The following CDH18 variants were observed in gnomAD, a reference collection of about 807,000 sequenced individuals.
The protein encoded by CDH18 is cadherin 18.
Under a neutral mutation model 67.9 loss-of-function variants are expected in CDH18, and 31 were observed. That is an observed-to-expected ratio of 0.46 (90% CI 0.34 to 0.62). The LOEUF (loss-of-function observed/expected upper bound fraction) is 0.62. CDH18 is among the 20% of genes least tolerant of loss of function. The probability of loss-of-function intolerance (pLI) is 0.01; values close to 1 mark genes in which losing one functional copy is unlikely to be tolerated. For missense variants in CDH18, 890 were observed against 975.5 expected (o/e 0.91, Z 1.17); for synonymous variants, 362 against 347.2 (o/e 1.04, Z -0.48).
In CDH18 at chr5:19,473,561, A is replaced by C. The variant is rs1297724919; in HGVS notation, c.2038T>G (p.Ser680Ala). The C allele has an allele frequency of 5.0e-6, 8 of 1,613,718 alleles. No individual in the cohort carries two copies. The Admixed American group carries it at 1.0e-4, about 20-fold the overall frequency. The change falls in exon 13 of 13, where the codon TCT becomes GCT. Residue 680 changes from serine (S) to alanine (A), a missense_variant. Around this residue, in one of 2 missense-constraint regions of CDH18, gnomAD observed 656 missense variants for 668.1 expected, o/e 0.98. Transcript: ENST00000382275. ...CGGTACTTGAGCTCCTCAGCAGCAGAAGGATTCCTCAAGGCTGTGATGTCA... is the reference window on the plus strand; with the variant it reads ...CGGTACTTGAGCTCCTCAGCAGCAGCAGGATTCCTCAAGGCTGTGATGTCA... Reference protein sequence around the residue: ...AFDITALRNPSAAEELKYRRD... With the variant: ...AFDITALRNPAAAEELKYRRD...
intron 2 of CDH18, among the ~76,000 whole-genome samples, chr5:19,873,957 C>A (rs1456483110): frequency 6.6e-6 from 1 of 152,038 alleles, no homozygotes; most frequent in Non-Finnish European, 1.5e-5. Flanking sequence ...CAAAAAAAAT[C>A]ATTTTTGATA....
chr5:19,859,061 C>T (rs1156275197), intron 2 of CDH18, among the ~76,000 whole-genome samples: 1 of 151,614 alleles, frequency 6.6e-6, no homozygotes, highest in Non-Finnish European at 1.5e-5. Flanking sequence ...AAGTATATAC[C>T]CAAAAAAACC....
At chr5:20,347,518 A>G (rs1391536437) in intron 1 of CDH18, among the ~76,000 whole-genome samples, 2 of 152,232 alleles carry the variant, frequency 1.3e-5, no homozygotes, top group Non-Finnish European at 2.9e-5. Flanking sequence ...TCACATGAAC[A>G]ACCATGGACA....
At chr5:19,515,531 G>A (rs1186711978) in intron 10 of CDH18, among the ~76,000 whole-genome samples, 1 of 152,018 alleles carries the variant, frequency 6.6e-6, no homozygotes, top group Non-Finnish European at 1.5e-5. Flanking sequence ...TTAAGCAGTG[G>A]TTGGTTTGCA....
chr5:20,420,071 C>G (rs183779793), intron 1 of CDH18, among the ~76,000 whole-genome samples: 1 of 151,056 alleles, frequency 6.6e-6, no homozygotes, highest in Non-Finnish European at 1.5e-5. Context: ...ACATTCACCA[C>G]CACAGCAGAT....
At chr5:20,504,043 A>G (rs1308224672) in intron 1 of CDH18, among the ~76,000 whole-genome samples, 1 of 152,018 alleles carries the variant, frequency 6.6e-6, no homozygotes, top group Non-Finnish European at 1.5e-5. Context: ...GTCAAGAAAA[A>G]AAAAAAAAGA....
At chr5:20,262,594 G>A (rs1023582242) in intron 1 of CDH18, among the ~76,000 whole-genome samples, 2 of 152,008 alleles carry the variant, frequency 1.3e-5, no homozygotes, top group African/African-American at 4.8e-5. Context: ...AGGGGTGTTC[G>A]AGGCTGAAAC....
At position 20,138,909 on chromosome 5, in the gene CDH18, A is replaced by G. The variant is rs181784476; in HGVS notation, c.-518+116535T>C. Among the ~76,000 whole-genome samples, 210 of 152,294 alleles carry G rather than the reference A, an allele frequency of 1.4e-3. 4 individuals carry two copies. In the East Asian group the frequency reaches 0.028, roughly 21 times the overall value. On this transcript the variant is annotated intron_variant, in intron 2 of 14. Coordinates refer to the CDH18 transcript ENST00000507958. ...ACTGCCTAAGGTAATTTATAGATTC[A>G]ATGCCATCCTCATCAAGCTACCAAT...
intron 1 of CDH18, among the ~76,000 whole-genome samples, chr5:20,260,337 G>T (rs1043948200): frequency 3.3e-5 from 5 of 151,958 alleles, no homozygotes; most frequent in South Asian, 4.2e-4. Context: ...GAGTTGGGGG[G>T]CAATAACTTG....
rs557384865 is a variant in CDH18 at position 20,402,669 on chromosome 5, T to C, written c.-579-147164A>G. Among the ~76,000 whole-genome samples, 117 of 152,294 alleles carry C rather than the reference T, an allele frequency of 7.7e-4. 4 individuals are homozygous for C. The Middle Eastern group carries it at 0.014, about 18-fold the overall frequency. On this transcript the variant is annotated intron_variant, in intron 1 of 14. Coordinates refer to the CDH18 transcript ENST00000507958. Reference sequence around the variant, plus strand: ...AATATTGCTGAAAATTATGATTATATGAACCTTCAGCAAGTAACAATCTTT... The same window carrying C: ...AATATTGCTGAAAATTATGATTATACGAACCTTCAGCAAGTAACAATCTTT...
At chr5:19,874,013 T>C (rs1055310744) in intron 2 of CDH18, among the ~76,000 whole-genome samples, 7 of 152,200 alleles carry the variant, frequency 4.6e-5, no homozygotes, top group South Asian at 2.1e-4. Flanking sequence ...AAAGAACATG[T>C]TGCAACACAT....
intron 2 of CDH18, among the ~76,000 whole-genome samples, chr5:19,976,694 G>A (rs1055828594): frequency 7.2e-5 from 11 of 152,000 alleles, no homozygotes; most frequent in African/African-American, 2.7e-4. Context: ...AAATAATATT[G>A]TTAGAAATAT....
intron 7 of CDH18, among the ~76,000 whole-genome samples, chr5:19,585,628 ATGTCT>A (rs1744024861): frequency 6.6e-6 from 1 of 152,040 alleles, no homozygotes; most frequent in Non-Finnish European, 1.5e-5. Context: ...AGTATCCTTG[ATGTCT>A]TGTCTGTATT....
chr5:20,002,737 T>C (rs1026863437), intron 2 of CDH18, among the ~76,000 whole-genome samples: 9 of 152,170 alleles, frequency 5.9e-5, no homozygotes, highest in Non-Finnish European at 1.0e-4. Flanking sequence ...TCTTGTGCTA[T>C]TGAGATTACC....
chr5:20,525,273 A>G (rs1755979421), intron 1 of CDH18, among the ~76,000 whole-genome samples: 1 of 152,104 alleles, frequency 6.6e-6, no homozygotes. Flanking sequence ...TGCTAACTGA[A>G]TTACAAAGTC....
chr5:19,634,623 A>G (rs536395307), intron 5 of CDH18, among the ~76,000 whole-genome samples: 2 of 152,256 alleles, frequency 1.3e-5, no homozygotes, highest in Admixed American at 1.3e-4. Flanking sequence ...CAGCTTAGCA[A>G]GAAATATTCT....
chr5:19,770,191 G>A (rs750532116), intron 3 of CDH18, among the ~76,000 whole-genome samples: 5 of 151,942 alleles, frequency 3.3e-5, no homozygotes, highest in Non-Finnish European at 7.4e-5. Context: ...TATTTTCCCT[G>A]AAATTCACTC....
chr5:20,288,464 T>C (rs1746856219), intron 1 of CDH18, among the ~76,000 whole-genome samples: 2 of 150,860 alleles, frequency 1.3e-5, no homozygotes, highest in Admixed American at 6.6e-5. Flanking sequence ...TATATATATA[T>C]GCATTGAGCC....
Position 19,522,294 on chromosome 5 carries a change from C to A in CDH18, c.1391-1516G>T, listed in dbSNP as rs182374197. ...TGACAAGAAAAATTGCATCATACATCATTCTTAATGGTGAAAAATCTAAGA... is the reference window on the plus strand; with the variant it reads ...TGACAAGAAAAATTGCATCATACATAATTCTTAATGGTGAAAAATCTAAGA... On this transcript the variant is annotated intron_variant, in intron 9 of 12. Coordinates refer to ENST00000382275, the MANE Select transcript of CDH18 (RefSeq NM_004934.5). Among the ~76,000 whole-genome samples, 8 of 152,142 alleles carry A rather than the reference C, an allele frequency of 5.3e-5. No homozygotes were observed. The East Asian group carries it at 1.5e-3, about 29-fold the overall frequency.
Sources: allele counts gnomAD v4.1 joint callset (sites outside exome capture counted in the v4.1 genomes callset), GRCh38; gene constraint gnomAD v4.1.1; regional missense constraint gnomAD v4.1.1; transcripts MANE v1.5; gene names NCBI Gene and HGNC (gene_info 2026-07-23, HGNC 2026-07-21).